The following SYNE1 variants were observed in gnomAD, a reference collection of about 807,000 sequenced individuals.
The protein encoded by SYNE1 is spectrin repeat containing nuclear envelope protein 1.
SYNE1 carries 616 observed loss-of-function variants against 1,111.0 expected under a neutral mutation model. The observed-to-expected ratio is 0.55, with a 90% CI of 0.52 to 0.59. SYNE1 has a LOEUF of 0.59. Among genes scored for constraint, SYNE1 ranks in the 20% least tolerant of loss-of-function variants. SYNE1 has a pLI of 0.00. For missense variants in SYNE1, 10,006 were observed against 10,417.0 expected (o/e 0.96, Z 1.72); for synonymous variants, 3,855 against 3,825.8 (o/e 1.01, Z -0.28).
intron 115 of SYNE1, 141 bp from the exon 116 acceptor site, chr6:152,226,017 G>A (rs1041500447): frequency 1.8e-4 from 137 of 741,394 alleles, no homozygotes; most frequent in East Asian, 5.7e-4. Context: ...GAGGCACGCT[G>A]CAGAAGTACT....
intron 135 of SYNE1, among the ~76,000 whole-genome samples, chr6:152,150,002 T>C (rs2060135959): frequency 6.6e-6 from 1 of 152,180 alleles, no homozygotes; most frequent in Non-Finnish European, 1.5e-5. Flanking sequence ...TTATCCCTAA[T>C]GAAAGCAATG....
At chr6:152,380,448 A>G (rs990077671) in intron 56 of SYNE1, 3 of 144,214 alleles carry the variant, frequency 2.1e-5, no homozygotes, top group African/African-American at 8.2e-5. Flanking sequence ...ATTAGCTTCA[A>G]AAAAAAAAAA....
chr6:152,234,911 G>A (rs559348649), intron 110 of SYNE1, 111 bp from the exon 111 acceptor site: 2 of 1,244,858 alleles, frequency 1.6e-6, no homozygotes, highest in East Asian at 2.5e-5. Context: ...TGAAGATTTA[G>A]AAGAAAAATG....
At chr6:152,498,828 T>C (rs752182421) in intron 10 of SYNE1, 36 bp from the exon 11 acceptor site, 28 of 1,239,632 alleles carry the variant, frequency 2.3e-5, no homozygotes, top group Non-Finnish European at 3.0e-5. Flanking sequence ...AGAAATATAA[T>C]ATAAATCAGG....
At chr6:152,183,352 C>T (rs1164222037) in intron 128 of SYNE1, among the ~76,000 whole-genome samples, 1 of 152,150 alleles carries the variant, frequency 6.6e-6, no homozygotes, top group African/African-American at 2.4e-5. Context: ...CCTGGTGGCA[C>T]ATGCCTGTAA....
chr6:152,429,924 A>G (rs1378307760), intron 36 of SYNE1, among the ~76,000 whole-genome samples, 188 bp downstream of exon 36: 3 of 152,210 alleles, frequency 2.0e-5, no homozygotes, highest in Non-Finnish European at 4.4e-5. Flanking sequence ...CTTTAATGAA[A>G]ATTTATTCAC....
Position 152,255,628 on chromosome 6 carries a change from A to G in SYNE1, c.19223T>C (p.Leu6408Ser), listed in dbSNP as rs758337239. The G allele has an allele frequency of 1.9e-6, 3 of 1,614,224 alleles. No homozygotes were observed. In the Admixed American group the frequency reaches 5.0e-5, roughly 27 times the overall value. ...EERLFVATALLPEETETCLFN... is the reference protein window; with the variant it reads ...EERLFVATALSPEETETCLFN... ...GAGACAAGTCTCTGTTTCTTCTGGT[A>G]AAAGTGCTGTGGCAACAAATAAACG... Residue 6408 changes from leucine (L) to serine (S), a missense_variant, in exon 103 of 146, where the codon TTA (leucine) becomes TCA (serine). Physicochemically the swap from Leu to Ser is moderately radical, Grantham distance 145 (BLOSUM62 -2). Transcript: ENST00000367255.
Position 152,281,947 on chromosome 6 carries a change from G to T in SYNE1, c.18241C>A (p.Gln6081Lys). The T allele has an allele frequency of 6.2e-7, 1 of 1,614,100 alleles. No homozygotes were observed. ...CGATACCTCTGCAGGGCCTGTTCCT[G>T]CCTTTGTTCCTCCAGCTGATCATTC... ...KLNDQLEEQRQEQALQRYRCE... is the reference protein window; with the variant it reads ...KLNDQLEEQRKEQALQRYRCE... The change falls in exon 97 of 146, where the codon CAG becomes AAG. Residue 6081 changes from glutamine (Q) to lysine (K), a missense_variant. Gln to Lys is a moderately conservative substitution (Grantham distance 53). This residue lies in a region of SYNE1 where 99 missense variants were observed against 147.8 expected (regional missense o/e 0.67). Coordinates refer to ENST00000367255, the MANE Select transcript of SYNE1 (RefSeq NM_182961.4).
At position 152,225,871 on chromosome 6, in the gene SYNE1, C is replaced by T; in HGVS notation, c.21201G>A (p.Leu7067=). The change falls in exon 116 of 146, where the codon CTG becomes CTA. Residue 7067 remains leucine, a synonymous_variant. Coordinates refer to ENST00000367255, the MANE Select transcript of SYNE1 (RefSeq NM_182961.4). ...TTTCTTTTGCTTTAATCAAATCTTC[C>T]AGATCCTGAAAGATTTAAAAAATAG... ...VQNALKDCQD[L]EDLIKAKEKE... is the part of the protein sequence containing the mutation. 6.2e-7 allele frequency: 1 copy of T among 1,612,918 alleles called. No individual in the cohort carries two copies. The highest frequency in any genetic ancestry group is 8.5e-7 in the Non-Finnish European group (1 of 1,179,794).
chr6:152,412,671 T>G, intron 42 of SYNE1, among the ~76,000 whole-genome samples: 1 of 152,178 alleles, frequency 6.6e-6, no homozygotes, highest in East Asian at 1.9e-4. Flanking sequence ...CTGCATAAGT[T>G]TGTCAAAACT....
chr6:152,160,940 A>G (rs1270712710), intron 131 of SYNE1, among the ~76,000 whole-genome samples: 2 of 152,002 alleles, frequency 1.3e-5, no homozygotes, highest in Non-Finnish European at 2.9e-5. Flanking sequence ...TTAGATATAT[A>G]TATGAATATA....
intron 104 of SYNE1, among the ~76,000 whole-genome samples, chr6:152,254,632 A>C (rs1045491026): frequency 2.0e-5 from 3 of 152,138 alleles, no homozygotes; most frequent in Admixed American, 2.0e-4. Flanking sequence ...CATAAATTTG[A>C]CTTTTATTGA....
intron 36 of SYNE1, 126 bp from the exon 37 acceptor site, chr6:152,428,518 G>A (rs2098394990): frequency 3.4e-6 from 3 of 871,676 alleles, no homozygotes; most frequent in Admixed American, 4.0e-5. Context: ...CACTAAGAAT[G>A]GGTACAAATA....
chr6:152,416,783 C>A lies in SYNE1; in HGVS notation c.5654G>T (p.Arg1885Leu). ...QSHASLSGIL[R>L]QLRQTVEATN... ...TGCTTCCACTGTTTGCCTCAGCTGG[C>A]GGAGAATGCCGGACAGAGAGGCATG... is the stretch of plus-strand genomic sequence containing the variant. Residue 1885 changes from arginine to leucine, a missense_variant, in exon 41 of 146, where the codon CGC becomes CTC. Arg to Leu is a moderately radical substitution (Grantham distance 102, BLOSUM62 -2). This residue lies in a region of SYNE1 where 4,955 missense variants were observed against 5,017.2 expected (regional missense o/e 0.99). Transcript: ENST00000367255. 3 of 1,614,190 alleles carry A rather than the reference C, an allele frequency of 1.9e-6. No individual in the cohort carries two copies. Among genetic ancestry groups the A allele is most frequent in the Admixed American group, 1.7e-5 (1 of 60,020 alleles).
intron 105 of SYNE1, among the ~76,000 whole-genome samples, chr6:152,247,780 C>T (rs1403356485): frequency 3.1e-5 from 4 of 128,312 alleles, no homozygotes; most frequent in East Asian, 2.3e-4. Context: ...CACACACACA[C>T]ATATATTTTT....
At chr6:152,357,456 A>G (rs1296305684) in intron 66 of SYNE1, among the ~76,000 whole-genome samples, 2 of 152,196 alleles carry the variant, frequency 1.3e-5, no homozygotes, top group African/African-American at 4.8e-5. Flanking sequence ...CACATTTGTA[A>G]GTTCCAACAC....
chr6:152,145,214 T>C (rs1399724699), intron 137 of SYNE1: 2 of 473,040 alleles, frequency 4.2e-6, no homozygotes, highest in African/African-American at 3.9e-5. Flanking sequence ...CCTTCTCATA[T>C]TTTCTGCAGT....
intron 74 of SYNE1, among the ~76,000 whole-genome samples, chr6:152,343,843 C>T (rs971982845): frequency 2.6e-5 from 4 of 152,206 alleles, no homozygotes; most frequent in African/African-American, 7.2e-5. Flanking sequence ...GCTGGGATTG[C>T]AGGCATGAGC....
At chr6:152,172,764 A>G (rs1219554560) in intron 130 of SYNE1, among the ~76,000 whole-genome samples, 16 of 152,284 alleles carry the variant, frequency 1.1e-4, no homozygotes, top group Non-Finnish European at 2.9e-5. Flanking sequence ...TGACTTTTAA[A>G]AAAAGCCAAG....
Sources: allele counts gnomAD v4.1 joint callset (sites outside exome capture counted in the v4.1 genomes callset), GRCh38; gene constraint gnomAD v4.1.1; regional missense constraint gnomAD v4.1.1; transcripts MANE v1.5; gene names NCBI Gene and HGNC (gene_info 2026-07-23, HGNC 2026-07-21).